Variants in UNC13C observed in about 807,000 individuals in gnomAD.
The protein encoded by UNC13C is protein unc-13 homolog C.
A neutral mutation model predicts 245.4 loss-of-function variants in UNC13C; 174 were observed. That is an observed-to-expected ratio of 0.71 (90% CI 0.63 to 0.80). The LOEUF (loss-of-function observed/expected upper bound fraction) is 0.80. Among genes scored for constraint, UNC13C ranks in the 30% least tolerant of loss-of-function variants. The pLI is 0.00. For synonymous variants in UNC13C, 992 were observed against 895.1 expected, an observed-to-expected ratio of 1.11 and a Z score of -1.93; for missense variants, 2,829 against 2,602.9, an observed-to-expected ratio of 1.09 and a Z score of -1.89.
chr15:53,942,238 T>C, the UNC13C span, among the ~76,000 whole-genome samples: 8 of 152,288 alleles, frequency 5.3e-5, no homozygotes, highest in East Asian at 1.5e-3. Flanking sequence ...AGGAGTGAGA[T>C]CATGTCCTTT....
In UNC13C at chr15:54,213,400, G is replaced by A. The variant is rs142220231; in HGVS notation, c.3072-21630G>A. 1.4e-3 allele frequency among the ~76,000 whole-genome samples: 218 copies of A among 152,062 alleles called. 6 individuals carry two copies. The East Asian group carries it at 0.04, about 28-fold the overall frequency. On this transcript the variant is annotated intron_variant, in intron 4 of 32. Transcript: ENST00000260323. The stretch of plus-strand genomic sequence containing the variant: ...TGGAAGGGTTTTTAATCTAGTGAAA[G>A]TCAAACATGTGCAGACAGCTTTAGC...
At chr15:54,601,025 A>G (rs1596650949) in intron 30 of UNC13C, among the ~76,000 whole-genome samples, 1 of 150,768 alleles carries the variant, frequency 6.6e-6, no homozygotes, top group South Asian at 2.1e-4. Flanking sequence ...TGTTTTAAGA[A>G]AGTTTACAAA....
chr15:54,052,008 G>A lies in UNC13C; in HGVS notation c.2983+36122G>A, dbSNP rs374420433. On this transcript the variant is annotated intron_variant, in intron 2 of 32. Coordinates refer to ENST00000260323, the MANE Select transcript of UNC13C (RefSeq NM_001080534.3). ...TTCCCACCTATGAGTGAGAATATGC[G>A]GTGTTTGGTTTTTTGTTCTTGCGAT... Among the ~76,000 whole-genome samples, 1,191 of 124,768 alleles carry A rather than the reference G, an allele frequency of 9.5e-3. 14 individuals are homozygous for A. The highest frequency in any genetic ancestry group is 0.035 in the African/African-American group (1,124 of 31,730). The allele number at this position is 124,768 out of a possible 152,430, so 81.9% of individuals were successfully genotyped here. A position where few individuals can be genotyped will look rare whatever the true frequency, so the allele number is the denominator to read the frequency against.
chr15:53,933,008 A>G, the UNC13C span, among the ~76,000 whole-genome samples: 8 of 152,198 alleles, frequency 5.3e-5, no homozygotes, highest in Non-Finnish European at 8.8e-5. Flanking sequence ...TACAGGATTC[A>G]TTTAAAGATG....
intron 30 of UNC13C, among the ~76,000 whole-genome samples, chr15:54,592,243 G>A (rs1898831868): frequency 6.6e-6 from 1 of 152,126 alleles, no homozygotes; most frequent in Non-Finnish European, 1.5e-5. Flanking sequence ...AAAGTTCCAT[G>A]CACTGCTGAA....
chr15:53,920,539 G>T, the UNC13C span, among the ~76,000 whole-genome samples: 1 of 152,112 alleles, frequency 6.6e-6, no homozygotes, highest in African/African-American at 2.4e-5. Flanking sequence ...GGTGACAAGA[G>T]TGAAACTGTC....
At chr15:53,862,952 GT>G in the UNC13C span, among the ~76,000 whole-genome samples, 4 of 152,202 alleles carry the variant, frequency 2.6e-5, no homozygotes, top group African/African-American at 9.6e-5. Context: ...GGCCCTCCAA[GT>G]TTTAACTAAT....
intron 2 of UNC13C, among the ~76,000 whole-genome samples, chr15:54,018,572 A>T (rs1366663004): frequency 6.6e-6 from 1 of 151,504 alleles, no homozygotes; most frequent in Non-Finnish European, 1.5e-5. Context: ...CCCATGAGTC[A>T]AATTCTTCCA....
rs1196834100 is a variant in UNC13C at position 54,553,396 on chromosome 15, T to C, written c.5878-2036T>C. ...TATATTATATTATGTATTAGTATAT[T>C]ATATTATATATTGTAATATATAATA... On this transcript the variant is annotated intron_variant, in intron 28 of 32. Coordinates refer to ENST00000260323, the MANE Select transcript of UNC13C (RefSeq NM_001080534.3). 2.3e-5 allele frequency among the ~76,000 whole-genome samples: 3 copies of C among 129,424 alleles called. 1 individual carries two copies. Among genetic ancestry groups the C allele is most frequent in the South Asian group, 2.3e-4 (1 of 4,380 alleles). 84.9% of individuals were successfully genotyped at this position (129,424 alleles called of 152,430 possible). A position where few individuals can be genotyped will look rare whatever the true frequency, so the allele number is the denominator to read the frequency against.
the UNC13C span, among the ~76,000 whole-genome samples, chr15:53,860,513 C>T: frequency 6.6e-6 from 1 of 152,108 alleles, no homozygotes; most frequent in Non-Finnish European, 1.5e-5. Flanking sequence ...TTTCTCATTC[C>T]ATTCTTGGCC....
chr15:53,871,807 C>T, the UNC13C span, among the ~76,000 whole-genome samples: 1 of 152,150 alleles, frequency 6.6e-6, no homozygotes, highest in Non-Finnish European at 1.5e-5. Context: ...ATAGTCTGCT[C>T]CAACATCAAG....
At chr15:54,087,966 C>A (rs1245080404) in intron 2 of UNC13C, among the ~76,000 whole-genome samples, 1 of 151,962 alleles carries the variant, frequency 6.6e-6, no homozygotes, top group African/African-American at 2.4e-5. Context: ...AACATGTAGA[C>A]CAAAATGGAA....
At chr15:53,876,286 C>G in the UNC13C span, among the ~76,000 whole-genome samples, 1 of 152,252 alleles carries the variant, frequency 6.6e-6, no homozygotes, top group South Asian at 2.1e-4. Flanking sequence ...AGCTCAAGTA[C>G]CAAACTTCCA....
intron 4 of UNC13C, among the ~76,000 whole-genome samples, chr15:54,180,375 G>A (rs1027539408): frequency 6.6e-6 from 1 of 151,940 alleles, no homozygotes; most frequent in Non-Finnish European, 1.5e-5. Flanking sequence ...ATGGCAATAT[G>A]TACTAAATTT....
chr15:54,164,783 A>T (rs1885415241), intron 4 of UNC13C, among the ~76,000 whole-genome samples: 1 of 152,190 alleles, frequency 6.6e-6, no homozygotes, highest in Non-Finnish European at 1.5e-5. Context: ...AGCAAAAAGG[A>T]CAGTTCTATG....
At chr15:54,249,807 T>G (rs74013551) in intron 7 of UNC13C, among the ~76,000 whole-genome samples, 1 of 152,122 alleles carries the variant, frequency 6.6e-6, no homozygotes, top group Non-Finnish European at 1.5e-5. Flanking sequence ...ATTACAGAAG[T>G]ATTCCTTGGG....
At chr15:54,531,613 G>C (rs1389829373) in intron 25 of UNC13C, among the ~76,000 whole-genome samples, 1 of 151,858 alleles carries the variant, frequency 6.6e-6, no homozygotes. Flanking sequence ...TCCAAATGAA[G>C]AAGGTGTATC....
chr15:54,045,766 C>T (rs1897011068), intron 2 of UNC13C, among the ~76,000 whole-genome samples: 2 of 152,266 alleles, frequency 1.3e-5, no homozygotes, highest in Admixed American at 6.5e-5. Context: ...TGAGAATATC[C>T]TATTTTTCAT....
intron 29 of UNC13C, among the ~76,000 whole-genome samples, chr15:54,557,494 T>C (rs1245911541): frequency 3.3e-5 from 5 of 151,852 alleles, no homozygotes; most frequent in Non-Finnish European, 7.4e-5. Flanking sequence ...AATTGTGAGA[T>C]TGACTACAAA....
Sources: allele counts gnomAD v4.1 joint callset (sites outside exome capture counted in the v4.1 genomes callset), GRCh38; gene constraint gnomAD v4.1.1; transcripts MANE v1.5; gene names NCBI Gene and HGNC (gene_info 2026-07-23, HGNC 2026-07-21).